Variants in NELL1 observed in about 807,000 individuals in gnomAD.
The protein encoded by NELL1 is protein kinase C-binding protein NELL1.
NELL1 carries 76 observed loss-of-function variants against 107.4 expected under a neutral mutation model. The observed-to-expected ratio is 0.71, with a 90% CI of 0.59 to 0.86. The LOEUF is 0.86. Ranked by LOEUF, NELL1 falls within the 40% of genes least tolerant of loss-of-function variation. The pLI is 0.00. For synonymous variants in NELL1, 353 were observed against 341.2 expected, an observed-to-expected ratio of 1.03 and a Z score of -0.38; for missense variants, 1,024 against 1,005.5, an observed-to-expected ratio of 1.02 and a Z score of -0.25.
intron 15 of NELL1, among the ~76,000 whole-genome samples, chr11:21,381,096 A>G (rs1400724490): frequency 6.6e-6 from 1 of 152,030 alleles, no homozygotes; most frequent in African/African-American, 2.4e-5. Context: ...TCCAAATTTC[A>G]TACACTTTGC....
At chr11:20,845,943 C>T (rs1267313968) in intron 3 of NELL1, among the ~76,000 whole-genome samples, 1 of 152,158 alleles carries the variant, frequency 6.6e-6, no homozygotes. Flanking sequence ...GGCCAATAGT[C>T]TGTAACATCT....
intron 12 of NELL1, among the ~76,000 whole-genome samples, chr11:21,033,673 G>A (rs1347098147): frequency 6.6e-6 from 1 of 151,934 alleles, no homozygotes; most frequent in African/African-American, 2.4e-5. Flanking sequence ...CATGTCTTTT[G>A]CTATTGAAAA....
rs187443493 is a variant in NELL1 at position 20,832,420 on chromosome 11, C to G, written c.336-15163C>G. 2.7e-3 allele frequency among the ~76,000 whole-genome samples: 415 copies of G among 152,324 alleles called. 2 individuals carry two copies. The highest frequency in any genetic ancestry group is 9.4e-3 in the African/African-American group (392 of 41,570). ...GTGATTATTTTGTTAACATCTGTCTCCCACTGGATTGTAAGCTCTGTGAAC... is the reference window on the plus strand; with the variant it reads ...GTGATTATTTTGTTAACATCTGTCTGCCACTGGATTGTAAGCTCTGTGAAC... On this transcript the variant is annotated intron_variant, in intron 3 of 19. Transcript: ENST00000357134.
rs151206373 is a variant in NELL1, at chr11:21,174,528, C to T, written c.1427-54804C>T. Among the ~76,000 whole-genome samples, 440 of 151,712 alleles carry T rather than the reference C, an allele frequency of 2.9e-3. 13 individuals carry two copies. Among genetic ancestry groups the T allele is most frequent in the African/African-American group, 0.01 (416 of 41,152 alleles). ...TGATAAGGTAGTTGGTTAAATATAT[C>T]CTCTATCTTGAACAGTAGAAGTGAG... On this transcript the variant is annotated intron_variant, in intron 13 of 19. Transcript: ENST00000357134.
intron 12 of NELL1, among the ~76,000 whole-genome samples, chr11:21,018,038 C>A (rs187788745): frequency 6.6e-6 from 1 of 152,102 alleles, no homozygotes; most frequent in South Asian, 2.1e-4. Context: ...CTTTCATCCA[C>A]GCCTCTGAGA....
intron 17 of NELL1, among the ~76,000 whole-genome samples, chr11:21,567,993 A>C (rs1390760390): frequency 1.3e-5 from 2 of 151,832 alleles, no homozygotes; most frequent in Non-Finnish European, 2.9e-5. Flanking sequence ...TGGCATAGTC[A>C]AAGAAGTAAA....
intron 15 of NELL1, among the ~76,000 whole-genome samples, chr11:21,465,945 A>C (rs4533034): frequency 0.69 from 104,121 of 151,936 alleles, 38,196 homozygotes; most frequent in Middle Eastern, 0.84. Context: ...CTTGCCTTGA[A>C]GCTATACACA....
chr11:20,691,752 G>A (rs139040914), intron 2 of NELL1, among the ~76,000 whole-genome samples: 31,287 of 151,188 alleles, frequency 0.21, 3,530 homozygotes, highest in African/African-American at 0.27. Flanking sequence ...TCTCTTTTTT[G>A]GTTGTGTCTC....
At chr11:21,350,149 CTTTA>C (rs1159353733) in intron 14 of NELL1, among the ~76,000 whole-genome samples, 3 of 152,046 alleles carry the variant, frequency 2.0e-5, no homozygotes, top group Non-Finnish European at 2.9e-5. Context: ...TTTTGATTCA[CTTTA>C]TTTAATTATT....
intron 2 of NELL1, among the ~76,000 whole-genome samples, chr11:20,684,007 T>C (rs1280456927): frequency 6.6e-6 from 1 of 151,214 alleles, no homozygotes; most frequent in Non-Finnish European, 1.5e-5. Context: ...TCAAATATTT[T>C]TTCTGTTCGT....
chr11:21,044,025 A>T (rs1015460816), intron 12 of NELL1, among the ~76,000 whole-genome samples: 1 of 152,204 alleles, frequency 6.6e-6, no homozygotes, highest in African/African-American at 2.4e-5. Flanking sequence ...CCTGGGAGTT[A>T]TCAGGATATA....
At chr11:20,899,615 A>G (rs1399204457) in intron 5 of NELL1, among the ~76,000 whole-genome samples, 1 of 152,176 alleles carries the variant, frequency 6.6e-6, no homozygotes, top group East Asian at 1.9e-4. Flanking sequence ...AATAGTAAGC[A>G]TGAAATCGTA....
chr11:20,910,189 G>A (rs1389143557), intron 5 of NELL1, among the ~76,000 whole-genome samples: 1 of 152,158 alleles, frequency 6.6e-6, no homozygotes, highest in Non-Finnish European at 1.5e-5. Flanking sequence ...TTATCTAACA[G>A]GCCAGCCTGG....
chr11:21,044,847 G>A (rs1853318135), intron 12 of NELL1, among the ~76,000 whole-genome samples: 1 of 152,122 alleles, frequency 6.6e-6, no homozygotes, highest in Non-Finnish European at 1.5e-5. Flanking sequence ...GCCTCTGAAG[G>A]TAAGAGAAGG....
chr11:21,372,897 T>C (rs1444542268), intron 15 of NELL1, among the ~76,000 whole-genome samples: 1 of 151,984 alleles, frequency 6.6e-6, no homozygotes, highest in Admixed American at 6.6e-5. Context: ...CTCTGCTGAG[T>C]AAGTGGGTGA....
At chr11:21,038,592 A>G (rs1042115199) in intron 12 of NELL1, among the ~76,000 whole-genome samples, 1 of 152,190 alleles carries the variant, frequency 6.6e-6, no homozygotes, top group Non-Finnish European at 1.5e-5. Context: ...CTCAAACGCC[A>G]CTGCCAATAG....
At chr11:21,151,483 C>T (rs763949341) in intron 13 of NELL1, among the ~76,000 whole-genome samples, 20 of 151,960 alleles carry the variant, frequency 1.3e-4, no homozygotes, top group African/African-American at 4.6e-4. Context: ...CGCGTGGTGA[C>T]GTGTGTAAAT....
chr11:21,296,052 T>C (rs1014250763), intron 14 of NELL1, among the ~76,000 whole-genome samples: 1 of 151,982 alleles, frequency 6.6e-6, no homozygotes, highest in African/African-American at 2.4e-5. Flanking sequence ...TGTAAATGAA[T>C]AAATGTTGCC....
intron 2 of NELL1, among the ~76,000 whole-genome samples, chr11:20,701,843 G>T (rs1188486956): frequency 2.0e-5 from 3 of 151,918 alleles, no homozygotes; most frequent in Non-Finnish European, 4.4e-5. Flanking sequence ...ATTTCTGAGG[G>T]CTCTGTTCTG....
Sources: gnomAD v4.1 joint callset for allele counts (sites outside exome capture counted in the v4.1 genomes callset) on GRCh38, gnomAD v4.1.1 for gene constraint, MANE v1.5 for transcripts, NCBI Gene and HGNC (gene_info 2026-07-23, HGNC 2026-07-21) for gene names.